GNE: variants seen among roughly 807,000 people sequenced by gnomAD.
GNE encodes the protein bifunctional UDP-N-acetylglucosamine 2-epimerase/N-acetylmannosamine kinase.
A neutral mutation model predicts 61.8 loss-of-function variants in GNE; 41 were observed. The observed-to-expected ratio is 0.66, with a 90% CI of 0.52 to 0.86. The LOEUF is 0.86. Among genes scored for constraint, GNE ranks in the 40% least tolerant of loss-of-function variants. The pLI, the probability that GNE is intolerant of heterozygous loss-of-function variation, is 0.00. For missense variants in GNE, 608 were observed against 909.1 expected (o/e 0.67, Z 4.26); for synonymous variants, 264 against 326.4 (o/e 0.81, Z 2.06).
Position 36,257,802 on chromosome 9 carries a change from C to CAAAAAAA in GNE, c.-43+512_-43+518dup, listed in dbSNP as rs60845805. On this transcript the variant is annotated intron_variant, in intron 1 of 11. Transcript: ENST00000642385. ...TGGGCGACAGAGCGAGACTCAGTCT[C>CAAAAAAA]AAAAAAAAAAAAAAAAAAAAAAAAA... Among the ~76,000 whole-genome samples, 171 of 25,236 alleles carry CAAAAAAA rather than the reference C, an allele frequency of 6.8e-3. 29 individuals are homozygous for CAAAAAAA. Among genetic ancestry groups the CAAAAAAA allele is most frequent in the African/African-American group, 0.018 (138 of 7,812 alleles). The allele number at this position is 25,236 out of a possible 152,430, so 16.6% of individuals were successfully genotyped here.
At chr9:36,222,278 G>A (rs1828623218) in intron 9 of GNE, among the ~76,000 whole-genome samples, 1 of 151,874 alleles carries the variant, frequency 6.6e-6, no homozygotes, top group East Asian at 1.9e-4. Context: ...AATTAGCCGG[G>A]CGTAGTGGCG....
chr9:36,214,636 T>C lies in GNE; in HGVS notation c.*2729A>G, dbSNP rs1369431305. ...ATTCAATACCATCCTTTCAAATATT[T>C]GGTATGAAACTTGGTAGCAATGCAA... On this transcript the variant is annotated 3_prime_UTR_variant, in exon 12 of 12. Transcript: ENST00000642385. The C allele has an allele frequency of 6.6e-6, 1 of 152,240 alleles. No homozygotes were observed. Among genetic ancestry groups the C allele is most frequent in the African/African-American group, 2.4e-5 (1 of 41,458 alleles). The allele number at this position is 152,240 out of a possible 1,614,324, so 9.4% of individuals were successfully genotyped here. A position where few individuals can be genotyped will look rare whatever the true frequency, so the allele number is the denominator to read the frequency against.
intron 1 of GNE, among the ~76,000 whole-genome samples, chr9:36,276,595 A>G (rs993533633): frequency 2.0e-5 from 3 of 152,212 alleles, no homozygotes; most frequent in Non-Finnish European, 4.4e-5. Flanking sequence ...GATCTCAAAA[A>G]GTAAAAGGAA....
rs769745306 is a variant in GNE at position 36,223,465 on chromosome 9, T to G, written c.1319A>C (p.Lys440Thr). ...TAAATTAATCCTCTCTTCATAGGTT[T>G]TAGGATTGAACTGAGTATACTTCTT... Reference protein sequence around the residue: ...IVKKYTQFNPKTYEERINLIL... With the variant: ...IVKKYTQFNPTTYEERINLIL... Residue 440 changes from lysine (K) to threonine (T), a missense_variant, in exon 8 of 12, where the codon AAA becomes ACA. Coordinates refer to ENST00000642385, the MANE Select transcript of GNE (RefSeq NM_005476.7). 33 of 1,610,808 alleles carry G rather than the reference T, an allele frequency of 2.0e-5. No homozygotes were observed. Among genetic ancestry groups the G allele is most frequent in the Non-Finnish European group, 2.6e-5 (31 of 1,177,276 alleles).
At chr9:36,270,120 C>A (rs1439286597) in intron 1 of GNE, among the ~76,000 whole-genome samples, 2 of 152,004 alleles carry the variant, frequency 1.3e-5, no homozygotes, top group East Asian at 3.9e-4. Flanking sequence ...TGCCACCATG[C>A]CTAGCTAATT....
At chr9:36,271,405 G>A (rs143195007) in intron 1 of GNE, among the ~76,000 whole-genome samples, 1,881 of 152,170 alleles carry the variant, frequency 0.012, 34 homozygotes, top group African/African-American at 0.041. Context: ...ACCGAGTCTC[G>A]CTCTGTTGCC....
intron 9 of GNE, among the ~76,000 whole-genome samples, chr9:36,221,530 T>C (rs887338111): frequency 1.3e-5 from 2 of 152,104 alleles, no homozygotes; most frequent in Non-Finnish European, 2.9e-5. Context: ...CAAATTGGGA[T>C]GTCATAAAAA....
chr9:36,216,422 GC>G lies in GNE; in HGVS notation c.*942del, dbSNP rs1168314115. 3.2e-6 allele frequency: 1 copy of G among 308,654 alleles called. No homozygotes were observed. Among genetic ancestry groups the G allele is most frequent in the African/African-American group, 2.2e-5 (1 of 44,986 alleles). The allele number at this position is 308,654 out of a possible 1,614,324, so 19.1% of individuals were successfully genotyped here. A position where few individuals can be genotyped will look rare whatever the true frequency, so the allele number is the denominator to read the frequency against. On this transcript the variant is annotated 3_prime_UTR_variant, in exon 12 of 12. Coordinates refer to ENST00000642385, the MANE Select transcript of GNE (RefSeq NM_005476.7). ...ATGATCTCGGCTCACTGCAACCTCC[GC>G]CTCCCGGGTTCAAGCAATTCTCCTG...
chr9:36,237,645 C>CT (rs111629005), intron 3 of GNE, among the ~76,000 whole-genome samples: 26,383 of 134,922 alleles, frequency 0.2, 2,481 homozygotes, highest in Non-Finnish European at 0.25. Flanking sequence ...GCTCCACTTA[C>CT]TTTTTTTTTT....
chr9:36,232,445 T>G (rs1426034683), intron 5 of GNE, among the ~76,000 whole-genome samples: 1 of 150,460 alleles, frequency 6.6e-6, no homozygotes. Context: ...AAATTCCAAA[T>G]GACTTACCCT....
Position 36,218,361 on chromosome 9 carries a change from T to A in GNE, c.1817-62A>T. The A allele has an allele frequency of 8.4e-7, 1 of 1,185,328 alleles. No homozygotes were observed. Among genetic ancestry groups the A allele is most frequent in the South Asian group, 1.2e-5 (1 of 82,176 alleles). The allele number at this position is 1,185,328 out of a possible 1,614,324, so 73.4% of individuals were successfully genotyped here. A position where few individuals can be genotyped will look rare whatever the true frequency, so the allele number is the denominator to read the frequency against. The stretch of plus-strand genomic sequence containing the variant: ...GCTGTGGGGAGGCCAAGCTCACCAC[T>A]GGGCCTGTGGAAAGCAAGCCCCTAC... On this transcript the variant is annotated intron_variant, in intron 10 of 11. Coordinates refer to ENST00000642385, the MANE Select transcript of GNE (RefSeq NM_005476.7). This position sits in a 1 kb window ranked among gnomAD's most constrained non-coding sequence, Gnocchi z 4.1.
chr9:36,233,392 C>T (rs533168080), intron 5 of GNE, among the ~76,000 whole-genome samples: 25 of 152,288 alleles, frequency 1.6e-4, no homozygotes, highest in African/African-American at 5.1e-4. Flanking sequence ...TTAGGCTGGG[C>T]GCGGTGGCTC....
At chr9:36,235,323 G>A (rs148087679) in intron 4 of GNE, among the ~76,000 whole-genome samples, 13 of 152,238 alleles carry the variant, frequency 8.5e-5, no homozygotes, top group Admixed American at 2.0e-4. Flanking sequence ...TCCATTTTCC[G>A]GAGGGAGTCC....
intron 3 of GNE, among the ~76,000 whole-genome samples, chr9:36,240,521 G>A (rs1829592848): frequency 6.6e-6 from 1 of 152,104 alleles, no homozygotes. Context: ...GATCATGGAG[G>A]ATTATCTTTT....
chr9:36,234,209 C>G (rs929359544), intron 4 of GNE, 77 bp from the exon 5 acceptor site: 9 of 1,138,682 alleles, frequency 7.9e-6, no homozygotes, highest in Non-Finnish European at 1.2e-5. Flanking sequence ...GTATAGCCCA[C>G]GTAAAGAAAT....
At chr9:36,267,875 T>A (rs1830867907) in intron 1 of GNE, 1 of 152,112 alleles carries the variant, frequency 6.6e-6, no homozygotes, top group African/African-American at 2.4e-5. Flanking sequence ...CCAGGCTGAG[T>A]GCAGTGGCTC....
intron 4 of GNE, among the ~76,000 whole-genome samples, chr9:36,235,942 T>A (rs1348601593): frequency 1.3e-5 from 2 of 152,190 alleles, no homozygotes; most frequent in Admixed American, 6.5e-5. Context: ...CTCATTAATA[T>A]CTCACACCCC....
In GNE at chr9:36,219,962, A is replaced by C. The variant is rs1393386221; in HGVS notation, c.1692T>G (p.Ala564=). The C allele has an allele frequency of 3.7e-6, 6 of 1,614,090 alleles. No homozygotes were observed. The highest frequency in any genetic ancestry group is 5.1e-6 in the Non-Finnish European group (6 of 1,179,906). The change falls in exon 10 of 12, where the codon GCT becomes GCG. Residue 564 remains alanine (A), a synonymous_variant. Coordinates refer to ENST00000642385, the MANE Select transcript of GNE (RefSeq NM_005476.7). The part of the protein sequence containing the change: ...HELIHGSSFC[A]AELGHLVVSL... ...ACACAACAAGGTGGCCCAGTTCTGC[A>C]GCACAGAAGGAGCTTCCGTGGATCA...
chr9:36,265,389 A>T (rs780775926), intron 1 of GNE: 8 of 456,538 alleles, frequency 1.8e-5, no homozygotes, highest in Non-Finnish European at 3.1e-5. Flanking sequence ...GACCCCCGGT[A>T]ACATTGTGAT....
Sources: gnomAD v4.1 joint callset for allele counts (sites outside exome capture counted in the v4.1 genomes callset) on GRCh38, gnomAD v4.1.1 for gene constraint, Gnocchi (gnomAD v3.1) non-coding constraint, MANE v1.5 for transcripts, NCBI Gene and HGNC (gene_info 2026-07-23, HGNC 2026-07-21) for gene names.